MALRD1: variants seen among roughly 807,000 people sequenced by gnomAD.
The protein encoded by MALRD1 is MAM and LDL receptor class A domain containing 1.
A neutral mutation model predicts 242.1 loss-of-function variants in MALRD1; 247 were observed. The observed-to-expected ratio is 1.02, with a 90% confidence interval of 0.92 to 1.13. The LOEUF (loss-of-function observed/expected upper bound fraction) is 1.13, where lower values mean the gene tolerates loss of function less well. MALRD1 is among the 50% of genes most tolerant of loss of function. The pLI is 0.00. For synonymous variants in MALRD1, 995 were observed against 866.6 expected (o/e 1.15, Z -2.60); for missense variants, 2,989 against 2,533.1 (o/e 1.18, Z -3.86).
At chr10:19,133,177 T>C (rs1833182970) in intron 8 of MALRD1, among the ~76,000 whole-genome samples, 1 of 152,166 alleles carries the variant, frequency 6.6e-6, no homozygotes, top group African/African-American at 2.4e-5. Flanking sequence ...AATACATGTT[T>C]TGAATGCAGT....
intron 34 of MALRD1, among the ~76,000 whole-genome samples, chr10:19,603,915 C>T (rs1362212365): frequency 6.6e-6 from 1 of 152,114 alleles, no homozygotes; most frequent in African/African-American, 2.4e-5. Flanking sequence ...CTCCACCAAC[C>T]AGCCATTCCC....
At position 19,171,535 on chromosome 10, in the gene MALRD1, CAT is replaced by C. The variant is rs371467503; in HGVS notation, c.1831-3666_1831-3665del. ...ATGTGTGTATATAAATACACACACA[CAT>C]ATATATGTCTATGTGTGTATATAAA... On this transcript the variant is annotated intron_variant, in intron 13 of 39. Coordinates refer to ENST00000454679, the MANE Select transcript of MALRD1 (RefSeq NM_001142308.3). Among the ~76,000 whole-genome samples the C allele has an allele frequency of 3.7e-5, 5 of 135,224 alleles. No homozygotes were observed. In the East Asian group the frequency reaches 1.2e-3, roughly 33 times the overall value. 88.7% of individuals were successfully genotyped at this position (135,224 alleles called of 152,430 possible).
chr10:19,253,788 C>G (rs77281869), intron 18 of MALRD1, among the ~76,000 whole-genome samples: 2,326 of 152,022 alleles, frequency 0.015, 63 homozygotes, highest in African/African-American at 0.053. Context: ...TTTTACACCC[C>G]CAGCTCCTGT....
At chr10:19,284,720 ATG>A (rs1189577942) in intron 21 of MALRD1, among the ~76,000 whole-genome samples, 1 of 93,036 alleles carries the variant, frequency 1.1e-5, no homozygotes, top group African/African-American at 4.4e-5. Context: ...ATACGTGTGC[ATG>A]TGTCTTTATA....
At chr10:19,628,811 CAT>C (rs1589329666) in intron 36 of MALRD1, among the ~76,000 whole-genome samples, 1 of 152,096 alleles carries the variant, frequency 6.6e-6, no homozygotes, top group Non-Finnish European at 1.5e-5. Flanking sequence ...AAAATACTAA[CAT>C]ATGTTACAGT....
intron 31 of MALRD1, among the ~76,000 whole-genome samples, chr10:19,500,400 G>C (rs191470329): frequency 9.2e-5 from 14 of 152,164 alleles, no homozygotes; most frequent in African/African-American, 3.1e-4. Context: ...GTGGGCAAAA[G>C]ATGGACTATA....
intron 2 of MALRD1, among the ~76,000 whole-genome samples, chr10:19,082,657 TAA>T (rs35071671): frequency 2.0e-5 from 3 of 151,246 alleles, no homozygotes; most frequent in African/African-American, 4.9e-5. Context: ...TTTCTCACTT[TAA>T]AAAAAAACCT....
intron 36 of MALRD1, among the ~76,000 whole-genome samples, chr10:19,622,113 A>C (rs1403021634): frequency 6.6e-6 from 1 of 151,804 alleles, no homozygotes; most frequent in African/African-American, 2.4e-5. Context: ...AAACAAAGCA[A>C]GTATAACCAC....
At chr10:19,428,910 G>A (rs1834009547) in intron 28 of MALRD1, among the ~76,000 whole-genome samples, 1 of 152,002 alleles carries the variant, frequency 6.6e-6, no homozygotes, top group African/African-American at 2.4e-5. Flanking sequence ...TAACTCACTT[G>A]CCATCAAATT....
intron 19 of MALRD1, among the ~76,000 whole-genome samples, chr10:19,271,948 G>C (rs1390365648): frequency 6.6e-6 from 1 of 152,004 alleles, no homozygotes; most frequent in Non-Finnish European, 1.5e-5. Context: ...AAAAACACTG[G>C]AGGCTTCAAA....
chr10:19,626,094 T>G (rs1839638771), intron 36 of MALRD1, among the ~76,000 whole-genome samples: 1 of 152,112 alleles, frequency 6.6e-6, no homozygotes, highest in Non-Finnish European at 1.5e-5. Flanking sequence ...GGTGGTGCAT[T>G]ATTTTCAAAT....
At chr10:19,377,406 T>C (rs889739613) in intron 26 of MALRD1, among the ~76,000 whole-genome samples, 6 of 152,302 alleles carry the variant, frequency 3.9e-5, no homozygotes, top group Admixed American at 6.5e-5. Context: ...TGCAAAGTTA[T>C]TGAGAATGGA....
At chr10:19,117,014 G>C (rs1342885665) in intron 5 of MALRD1, among the ~76,000 whole-genome samples, 1 of 151,176 alleles carries the variant, frequency 6.6e-6, no homozygotes, top group African/African-American at 2.4e-5. Flanking sequence ...AGAATCGCTT[G>C]AACCTGAGAG....
intron 11 of MALRD1, among the ~76,000 whole-genome samples, chr10:19,149,274 C>T (rs565610034): frequency 1.3e-5 from 2 of 152,204 alleles, no homozygotes; most frequent in African/African-American, 4.8e-5. Flanking sequence ...CACCACCACG[C>T]CCAGCTGGTT....
chr10:19,293,185 A>C (rs2131928697), intron 21 of MALRD1, among the ~76,000 whole-genome samples: 1 of 152,326 alleles, frequency 6.6e-6, no homozygotes, highest in East Asian at 1.9e-4. Context: ...TAACTAAAAT[A>C]ATGGTTAAAT....
intron 14 of MALRD1, among the ~76,000 whole-genome samples, chr10:19,182,197 A>G (rs1343169255): frequency 6.6e-6 from 1 of 151,984 alleles, no homozygotes; most frequent in Non-Finnish European, 1.5e-5. Flanking sequence ...AACCTTACCT[A>G]TATAGTCTTT....
rs867118614 is a variant in MALRD1, at chr10:19,136,003, C to T, written c.1204-571C>T. On this transcript the variant is annotated intron_variant, in intron 9 of 39. Transcript: ENST00000454679. The stretch of plus-strand genomic sequence containing the variant: ...TTCTTTTCTCATTAAAGAAATTACT[C>T]TTTTATGTAAGTTGAATAGAGTTTT... 2.8e-4 allele frequency among the ~76,000 whole-genome samples: 43 copies of T among 152,242 alleles called. No individual in the cohort carries two copies. The Middle Eastern group carries it at 0.01, about 36-fold the overall frequency.
chr10:19,317,892 C>T (rs1276446271), intron 21 of MALRD1, among the ~76,000 whole-genome samples: 1 of 152,056 alleles, frequency 6.6e-6, no homozygotes, highest in Admixed American at 6.6e-5. Context: ...TGTACATTAT[C>T]ACCTTGGATC....
chr10:19,404,261 A>G (rs1846992790), intron 28 of MALRD1, among the ~76,000 whole-genome samples: 1 of 151,970 alleles, frequency 6.6e-6, no homozygotes, highest in Non-Finnish European at 1.5e-5. Context: ...TGCTTTTTTT[A>G]TTATTACTTT....
Sources: gnomAD v4.1 joint callset for allele counts (sites outside exome capture counted in the v4.1 genomes callset) on GRCh38, gnomAD v4.1.1 for gene constraint, MANE v1.5 for transcripts, NCBI Gene and HGNC (gene_info 2026-07-23, HGNC 2026-07-21) for gene names.